PRKN: variants seen among roughly 807,000 people sequenced by gnomAD.
PRKN encodes the protein parkin RBR E3 ubiquitin protein ligase.
PRKN carries 56 observed loss-of-function variants against 59.5 expected under a neutral mutation model. The observed-to-expected ratio is 0.94, with a 90% CI of 0.76 to 1.18. The LOEUF is 1.18. Ranked by LOEUF, PRKN falls within the 50% of genes most tolerant of loss-of-function variation. PRKN has a pLI of 0.00. For missense variants in PRKN, 657 were observed against 596.4 expected (o/e 1.10, Z -1.06); for synonymous variants, 250 against 222.1 (o/e 1.13, Z -1.12).
chr6:162,261,920 A>T (rs1433976072), intron 3 of PRKN, among the ~76,000 whole-genome samples: 2 of 152,160 alleles, frequency 1.3e-5, no homozygotes, highest in Non-Finnish European at 2.9e-5. Flanking sequence ...TGAAGGCCAT[A>T]CCAGCCCACA....
At chr6:162,571,901 G>A (rs1780344067) in intron 1 of PRKN, among the ~76,000 whole-genome samples, 1 of 152,126 alleles carries the variant, frequency 6.6e-6, no homozygotes, top group Non-Finnish European at 1.5e-5. Flanking sequence ...GCCCTGTCAT[G>A]TTATCTGAGA....
chr6:162,149,571 C>A (rs1379050775), intron 4 of PRKN, among the ~76,000 whole-genome samples: 3 of 152,048 alleles, frequency 2.0e-5, no homozygotes, highest in Non-Finnish European at 4.4e-5. Flanking sequence ...AAAGTAAAAT[C>A]AAGTCAAGAT....
At chr6:161,830,291 G>T (rs1314258437) in intron 6 of PRKN, among the ~76,000 whole-genome samples, 4 of 146,246 alleles carry the variant, frequency 2.7e-5, no homozygotes, top group African/African-American at 5.1e-5. Flanking sequence ...TCGCTCTGTT[G>T]CCCAGGCTGG....
At chr6:161,358,286 C>A (rs1349101067) in intron 11 of PRKN, among the ~76,000 whole-genome samples, 1 of 152,054 alleles carries the variant, frequency 6.6e-6, no homozygotes, top group Non-Finnish European at 1.5e-5. Flanking sequence ...TCCTCACCAA[C>A]CTTGAGAATT....
At chr6:162,724,338 AACACATCAATC>A (rs1343347645) in intron 1 of PRKN, among the ~76,000 whole-genome samples, 4 of 152,212 alleles carry the variant, frequency 2.6e-5, no homozygotes, top group African/African-American at 9.7e-5. Context: ...CAGGGCATTC[AACACATCAATC>A]ACAATGCAGG....
At chr6:161,862,312 G>A (rs1156684451) in intron 6 of PRKN, among the ~76,000 whole-genome samples, 2 of 152,136 alleles carry the variant, frequency 1.3e-5, no homozygotes, top group Admixed American at 6.5e-5. Flanking sequence ...CAGGCTTGTC[G>A]GGGATTACTC....
intron 2 of PRKN, among the ~76,000 whole-genome samples, chr6:162,429,071 C>G (rs1247155947): frequency 6.6e-6 from 1 of 152,158 alleles, no homozygotes; most frequent in Non-Finnish European, 1.5e-5. Flanking sequence ...TATTGCTTTA[C>G]TTGCTTTAAA....
chr6:162,394,092 C>T (rs1020810301), intron 2 of PRKN, among the ~76,000 whole-genome samples: 6 of 152,024 alleles, frequency 3.9e-5, no homozygotes, highest in African/African-American at 1.4e-4. Context: ...GCTTGTATTT[C>T]CTATTTTCCC....
intron 7 of PRKN, among the ~76,000 whole-genome samples, chr6:161,696,821 G>A (rs1786041914): frequency 6.6e-6 from 1 of 152,142 alleles, no homozygotes; most frequent in African/African-American, 2.4e-5. Context: ...TGATTTTATT[G>A]TAAAAAATGA....
At position 161,575,973 on chromosome 6, in the gene PRKN, A is replaced by G. The variant is rs1211281442; in HGVS notation, c.872-6557T>C. Among the ~76,000 whole-genome samples the G allele has an allele frequency of 6.6e-6, 1 of 152,236 alleles. No individual in the cohort carries two copies. Among genetic ancestry groups the G allele is most frequent in the East Asian group, 1.9e-4 (1 of 5,192 alleles). Reference sequence around the variant, plus strand: ...GACCTCTGAGCACAAGCCAGAGAGCATGGGCCACATGTGCAGGCTGGGCTG... The same window carrying G: ...GACCTCTGAGCACAAGCCAGAGAGCGTGGGCCACATGTGCAGGCTGGGCTG... On this transcript the variant is annotated intron_variant, in intron 7 of 11. Coordinates refer to ENST00000366898, the MANE Select transcript of PRKN (RefSeq NM_004562.3). The surrounding 1 kb of genome is among the most constrained non-coding windows in gnomAD (Gnocchi z 4.6).
rs1211160758 is a variant in PRKN, at chr6:161,361,937, C to G, written c.1168-1732G>C. 6.6e-6 allele frequency among the ~76,000 whole-genome samples: 1 copy of G among 152,030 alleles called. No individual in the cohort carries two copies. The highest frequency in any genetic ancestry group is 1.5e-5 in the Non-Finnish European group (1 of 68,018). ...AGTCACCACAGAGTCTTGGGTGGTCCTAACCGTCAGTGACACGTGGCAAAC... is the reference window on the plus strand; with the variant it reads ...AGTCACCACAGAGTCTTGGGTGGTCGTAACCGTCAGTGACACGTGGCAAAC... On this transcript the variant is annotated intron_variant, in intron 10 of 11. Transcript: ENST00000366898. The surrounding 1 kb of genome is among the most constrained non-coding windows in gnomAD (Gnocchi z 5.2).
chr6:162,189,865 A>G (rs1784198915), intron 4 of PRKN, among the ~76,000 whole-genome samples: 1 of 151,842 alleles, frequency 6.6e-6, no homozygotes. Flanking sequence ...ACATTATGGG[A>G]GGAGTAGAGT....
At position 161,549,923 on chromosome 6, in the gene PRKN, C is replaced by G. The variant is rs982651886; in HGVS notation, c.934-920G>C. Among the ~76,000 whole-genome samples the G allele has an allele frequency of 6.6e-6, 1 of 152,122 alleles. No individual in the cohort carries two copies. ...AGTCAATACCGAGAGGTTAGAATGT[C>G]TAGGATTTCCAATGGTGCTAAGTGA... is the stretch of plus-strand genomic sequence containing the variant. On this transcript the variant is annotated intron_variant, in intron 8 of 11. Transcript: ENST00000366898. This position sits in a 1 kb window ranked among gnomAD's most constrained non-coding sequence, Gnocchi z 6.0.
At chr6:161,686,259 A>G (rs1785549146) in intron 7 of PRKN, among the ~76,000 whole-genome samples, 1 of 152,156 alleles carries the variant, frequency 6.6e-6, no homozygotes, top group Non-Finnish European at 1.5e-5. Context: ...GGATGCCTAG[A>G]GCACTTGGTG....
intron 6 of PRKN, among the ~76,000 whole-genome samples, chr6:161,874,999 ATATATTATATAT>A (rs1276575098): frequency 2.2e-5 from 2 of 92,840 alleles, no homozygotes; most frequent in African/African-American, 1.1e-4. Flanking sequence ...TTTATATATA[ATATATTATATAT>A]TATATATAAA....
intron 6 of PRKN, among the ~76,000 whole-genome samples, chr6:161,965,286 C>T (rs962924425): frequency 6.6e-6 from 1 of 151,992 alleles, no homozygotes; most frequent in Admixed American, 6.6e-5. Context: ...ACAACAATGA[C>T]ATCAAAAACA....
intron 6 of PRKN, among the ~76,000 whole-genome samples, chr6:161,882,501 C>G (rs62438265): frequency 0.11 from 16,603 of 152,206 alleles, 960 homozygotes; most frequent in African/African-American, 0.15. Context: ...ATCCTCTGAC[C>G]ATTCTAGTCA....
intron 6 of PRKN, among the ~76,000 whole-genome samples, chr6:161,963,777 C>T (rs575486406): frequency 1.3e-5 from 2 of 152,142 alleles, no homozygotes; most frequent in African/African-American, 4.8e-5. Flanking sequence ...ACAGATTTTC[C>T]TTTAAGTCAG....
At chr6:161,716,126 C>A in intron 7 of PRKN, 3 of 1,344,516 alleles carry the variant, frequency 2.2e-6, no homozygotes, top group Non-Finnish European at 3.0e-6. Context: ...ACTGTGTCTC[C>A]AGTTCCTGGT....
Sources: allele counts gnomAD v4.1 joint callset (sites outside exome capture counted in the v4.1 genomes callset), GRCh38; gene constraint gnomAD v4.1.1; non-coding constraint Gnocchi (gnomAD v3.1); transcripts MANE v1.5; gene names NCBI Gene and HGNC (gene_info 2026-07-23, HGNC 2026-07-21).